The following XCR1 variants were observed in gnomAD, a reference collection of about 807,000 sequenced individuals.
XCR1 encodes the protein chemokine XC receptor 1.
For synonymous variants in XCR1, 187 were observed against 188.5 expected, an observed-to-expected ratio of 0.99 and a Z score of 0.06; for missense variants, 356 against 424.2, an observed-to-expected ratio of 0.84 and a Z score of 1.41.
intron 5 of XCR1, among the ~76,000 whole-genome samples, chr3:46,051,440 T>C (rs527430988): frequency 6.6e-6 from 1 of 152,354 alleles, no homozygotes; most frequent in Non-Finnish European, 1.5e-5. Flanking sequence ...ACTAAGGACG[T>C]AGAAGTTAAT....
chr3:46,064,360 A>G (rs1698023464), intron 4 of XCR1, among the ~76,000 whole-genome samples: 1 of 152,232 alleles, frequency 6.6e-6, no homozygotes, highest in East Asian at 1.9e-4. Context: ...GGCACATACC[A>G]GGAACTCAAC....
chr3:46,039,962 C>A (rs117121830), intron 5 of XCR1, among the ~76,000 whole-genome samples: 20 of 152,088 alleles, frequency 1.3e-4, no homozygotes, highest in African/African-American at 4.8e-4. Context: ...GGAAATCTTA[C>A]CTTATGGTAA....
intron 5 of XCR1, among the ~76,000 whole-genome samples, chr3:46,048,923 G>A (rs1697686583): frequency 6.6e-6 from 1 of 152,100 alleles, no homozygotes; most frequent in South Asian, 2.1e-4. Context: ...TTGTCCTCTA[G>A]GATTATAAGG....
At chr3:46,058,609 G>A (rs1258112890) in intron 4 of XCR1, among the ~76,000 whole-genome samples, 1 of 152,194 alleles carries the variant, frequency 6.6e-6, no homozygotes, top group Non-Finnish European at 1.5e-5. Context: ...GTGCAGTGGT[G>A]AGATCATGGC....
At chr3:46,042,791 G>A (rs1488314260) in intron 5 of XCR1, among the ~76,000 whole-genome samples, 1 of 152,154 alleles carries the variant, frequency 6.6e-6, no homozygotes, top group Non-Finnish European at 1.5e-5. Context: ...CCAAAAAATT[G>A]AAGAGAAGGG....
chr3:46,079,267 G>A (rs1043690148), intron 1 of XCR1, among the ~76,000 whole-genome samples: 1 of 152,102 alleles, frequency 6.6e-6, no homozygotes, highest in African/African-American at 2.4e-5. Context: ...AGCCCAGGAT[G>A]ATCATCAACA....
intron 5 of XCR1, among the ~76,000 whole-genome samples, chr3:46,047,189 A>C (rs1232389566): frequency 6.6e-6 from 1 of 152,248 alleles, no homozygotes; most frequent in African/African-American, 2.4e-5. Flanking sequence ...ACATCACAAC[A>C]GAAGTTATTA....
upstream of XCR1, among the ~76,000 whole-genome samples, chr3:46,032,128 GACGCTAAAAGAACTGTAACACA>G: frequency 6.6e-6 from 1 of 152,370 alleles, no homozygotes; most frequent in African/African-American, 2.4e-5. Context: ...ACCAAATGGT[GACGCTAAAAGAACTGTAACACA>G]AACAGTGCTG....
rs1708138745 is a variant in XCR1, at chr3:46,021,255, C to G, written c.693G>C (p.Val231=). The G allele has an allele frequency of 6.2e-7, 1 of 1,614,034 alleles. No homozygotes were observed. Among genetic ancestry groups the G allele is most frequent in the Middle Eastern group, 1.6e-4 (1 of 6,084 alleles). ...GACCCCAGCTGAGGAAGTAGGCCAC[C>G]ACGATGGCGAAGATGAGCTTGACCG... is the stretch of plus-strand genomic sequence containing the variant. The part of the protein sequence containing the change: ...HRTVKLIFAI[V]VAYFLSWGPY... The change falls in exon 2 of 2, where the codon GTG becomes GTC. Residue 231 remains valine, a synonymous_variant. Coordinates refer to ENST00000309285, the MANE Select transcript of XCR1 (RefSeq NM_001024644.2). The surrounding 1 kb of genome is among the most constrained non-coding windows in gnomAD (Gnocchi z 4.7).
chr3:46,079,692 A>G (rs1698323834), intron 1 of XCR1, among the ~76,000 whole-genome samples: 1 of 152,140 alleles, frequency 6.6e-6, no homozygotes, highest in Admixed American at 6.5e-5. Flanking sequence ...GACCACTATT[A>G]TGTATACCCC....
chr3:46,077,818 A>G (rs756290816), intron 1 of XCR1, among the ~76,000 whole-genome samples: 1 of 152,214 alleles, frequency 6.6e-6, no homozygotes, highest in African/African-American at 2.4e-5. Flanking sequence ...TAAGTGAATT[A>G]ACACAGGAAC....
At chr3:46,022,169 C>G in intron 1 of XCR1, 191 bp from the exon 2 acceptor site, 1 of 507,416 alleles carries the variant, frequency 2.0e-6, no homozygotes, top group Admixed American at 3.7e-5. Context: ...GGTGTGGTGG[C>G]GCATGCCTAT....
In XCR1 at chr3:46,017,552, TCAAC is replaced by T. The variant is rs1207746022; in HGVS notation, c.*3390_*3393del. On this transcript the variant is annotated 3_prime_UTR_variant, in exon 2 of 2. Transcript: ENST00000309285. Reference sequence around the variant, plus strand: ...AAAAGATGGTCTCCTGTTAACTCACTCAACCAACCACAAACATTGCCAGGCACTG... The same window carrying T: ...AAAAGATGGTCTCCTGTTAACTCACTCAACCACAAACATTGCCAGGCACTG... The T allele has an allele frequency of 6.6e-6, 1 of 152,180 alleles. No homozygotes were observed. The highest frequency in any genetic ancestry group is 1.5e-5 in the Non-Finnish European group (1 of 68,054). 9.4% of individuals were successfully genotyped at this position (152,180 alleles called of 1,614,324 possible). A position where few individuals can be genotyped will look rare whatever the true frequency, so the allele number is the denominator to read the frequency against.
At chr3:46,049,455 T>C (rs1237434240) in intron 5 of XCR1, among the ~76,000 whole-genome samples, 3 of 152,174 alleles carry the variant, frequency 2.0e-5, no homozygotes, top group African/African-American at 7.2e-5. Flanking sequence ...ATGAGAAATA[T>C]GAAAAGAAGC....
chr3:46,079,063 C>G (rs957315330), intron 1 of XCR1, among the ~76,000 whole-genome samples: 5 of 152,274 alleles, frequency 3.3e-5, no homozygotes, highest in Admixed American at 6.5e-5. Flanking sequence ...GAGCAGTGCT[C>G]GTAAGCACCA....
intron 1 of XCR1, among the ~76,000 whole-genome samples, chr3:46,078,681 G>A (rs1698303964): frequency 6.6e-6 from 1 of 152,168 alleles, no homozygotes; most frequent in Non-Finnish European, 1.5e-5. Flanking sequence ...ATTCAGACTT[G>A]GATGTTTCAT....
intron 5 of XCR1, among the ~76,000 whole-genome samples, chr3:46,035,840 A>G (rs2088692): frequency 0.2 from 30,258 of 151,744 alleles, 4,414 homozygotes; most frequent in African/African-American, 0.4. Flanking sequence ...CTTGTTTGTA[A>G]TTGTTTGTGT....
At chr3:46,036,430 T>C (rs1697432367) in intron 5 of XCR1, among the ~76,000 whole-genome samples, 1 of 152,268 alleles carries the variant, frequency 6.6e-6, no homozygotes, top group African/African-American at 2.4e-5. Flanking sequence ...CTAGATGTGT[T>C]TATGTATGTA....
intron 5 of XCR1, among the ~76,000 whole-genome samples, chr3:46,041,742 C>T (rs924994235): frequency 6.6e-6 from 1 of 152,144 alleles, no homozygotes; most frequent in Non-Finnish European, 1.5e-5. Context: ...GAAAGGATCC[C>T]CTGGTCTCCC....
Sources: allele counts gnomAD v4.1 joint callset (sites outside exome capture counted in the v4.1 genomes callset), GRCh38; gene constraint gnomAD v4.1.1; non-coding constraint Gnocchi (gnomAD v3.1); transcripts MANE v1.5; gene names NCBI Gene and HGNC (gene_info 2026-07-23, HGNC 2026-07-21).